The following PCDHGA3 variants were observed in gnomAD, a reference collection of about 807,000 sequenced individuals.
The protein encoded by PCDHGA3 is protocadherin gamma subfamily A, 3, also known as protocadherin gamma-A3.
In PCDHGA3, 40 loss-of-function variants were observed where a neutral mutation model predicts 58.5. The ratio of observed to expected loss-of-function variants is 0.68; its 90% confidence interval spans 0.53 to 0.89. PCDHGA3 has a LOEUF of 0.89. PCDHGA3 is among the 40% of genes least tolerant of loss of function. PCDHGA3 has a pLI of 0.00. For missense variants in PCDHGA3, 1,223 were observed against 1,195.9 expected, an observed-to-expected ratio of 1.02 and a Z score of -0.33; for synonymous variants, 530 against 525.7, an observed-to-expected ratio of 1.01 and a Z score of -0.11.
At chr5:141,391,213 C>T (rs1255778682) in intron 1 of PCDHGA3, 1 of 152,056 alleles carries the variant, frequency 6.6e-6, no homozygotes, top group African/African-American at 2.4e-5. Flanking sequence ...TACCAAGGAA[C>T]ATTATATGAG....
chr5:141,458,165 A>T lies in PCDHGA3; in HGVS notation c.2425-36642A>T, dbSNP rs10075475. On this transcript the variant is annotated intron_variant, in intron 1 of 3. Coordinates refer to ENST00000253812, the MANE Select transcript of PCDHGA3 (RefSeq NM_018916.4). Reference sequence around the variant, plus strand: ...TGAACATGCTCCAAATTTTGTTCACAGTAGTATACCTTACTTGATTATTAA... The same window carrying T: ...TGAACATGCTCCAAATTTTGTTCACTGTAGTATACCTTACTTGATTATTAA... Among the ~76,000 whole-genome samples the T allele has an allele frequency of 2.4e-3, 368 of 152,356 alleles. 2 individuals carry two copies. The highest frequency in any genetic ancestry group is 8.5e-3 in the African/African-American group (354 of 41,588).
In PCDHGA3 at chr5:141,375,141, G is replaced by A. The variant is rs745587842; in HGVS notation, c.2424+28684G>A. Reference sequence around the variant, plus strand: ...CCAGAAGTGGTTGTTACATCTGGAAGCAGAACAATTGCTGAAAGTGCACCT... The same window carrying A: ...CCAGAAGTGGTTGTTACATCTGGAAACAGAACAATTGCTGAAAGTGCACCT... On this transcript the variant is annotated intron_variant, in intron 1 of 3. Transcript: ENST00000253812. The A allele has an allele frequency of 1.9e-6, 3 of 1,613,962 alleles. No individual in the cohort carries two copies. Among genetic ancestry groups the A allele is most frequent in the Admixed American group, 1.7e-5 (1 of 60,032 alleles).
chr5:141,422,140 C>A, intron 1 of PCDHGA3: 1 of 1,586,776 alleles, frequency 6.3e-7, no homozygotes, highest in Non-Finnish European at 8.5e-7. Flanking sequence ...AGTTCAAGTA[C>A]GGGGGTCTCT....
chr5:141,383,093 G>A, intron 1 of PCDHGA3: 1 of 1,613,930 alleles, frequency 6.2e-7, no homozygotes, highest in Non-Finnish European at 8.5e-7. Flanking sequence ...CGCGGAGTCC[G>A]CATCATCTCC....
In PCDHGA3 at chr5:141,360,245, T is replaced by C. The variant is rs201518165; in HGVS notation, c.2424+13788T>C. On this transcript the variant is annotated intron_variant, in intron 1 of 3. Coordinates refer to ENST00000253812, the MANE Select transcript of PCDHGA3 (RefSeq NM_018916.4). ...CTCCCAGTCCAGATCCGCTATTCAA[T>C]TCCAGAGGAGCTGGCCAAAAACTCG... is the stretch of plus-strand genomic sequence containing the variant. 643 of 1,613,842 alleles carry C rather than the reference T, an allele frequency of 4.0e-4. 1 individual carries two copies. The highest frequency in any genetic ancestry group is 6.6e-4 in the Middle Eastern group (4 of 6,084).
chr5:141,478,604 T>C (rs1425759709), intron 1 of PCDHGA3: 2 of 1,562,580 alleles, frequency 1.3e-6, no homozygotes, highest in South Asian at 2.3e-5. Context: ...CTACATCATA[T>C]TGAGGAAGGA....
chr5:141,400,194 G>T (rs2093978875), intron 1 of PCDHGA3: 2 of 1,614,034 alleles, frequency 1.2e-6, no homozygotes, highest in Non-Finnish European at 1.7e-6. Flanking sequence ...TTTACCTAGT[G>T]GTGGCCTTGG....
intron 1 of PCDHGA3, chr5:141,410,718 TA>T: frequency 7.1e-7 from 1 of 1,402,688 alleles, no homozygotes; most frequent in Non-Finnish European, 9.6e-7. Context: ...ATCATATGTT[TA>T]AAATCCATAG....
intron 1 of PCDHGA3, chr5:141,398,508 T>C: frequency 6.2e-7 from 1 of 1,601,476 alleles, no homozygotes; most frequent in Admixed American, 1.7e-5. Context: ...AGGACATTAA[T>C]GACCACACGC....
intron 1 of PCDHGA3, chr5:141,475,966 A>T (rs1252698069): frequency 2.3e-6 from 2 of 888,664 alleles, no homozygotes; most frequent in Admixed American, 5.2e-5. Flanking sequence ...GGGATGAGGC[A>T]GAGACTGAAC....
In PCDHGA3 at chr5:141,414,961, G is replaced by A. The variant is rs1357376957; in HGVS notation, c.2424+68504G>A. Reference sequence around the variant, plus strand: ...GCCCGGCTACCTGGTGACCAAGGTGGTGGCGGTGGACAGAGACTCCGGCCA... The same window carrying A: ...GCCCGGCTACCTGGTGACCAAGGTGATGGCGGTGGACAGAGACTCCGGCCA... On this transcript the variant is annotated intron_variant, in intron 1 of 3. Transcript: ENST00000253812. 2.5e-6 allele frequency: 4 copies of A among 1,614,028 alleles called. No individual in the cohort carries two copies. In the Admixed American group the frequency reaches 6.7e-5, roughly 27 times the overall value.
intron 1 of PCDHGA3, among the ~76,000 whole-genome samples, chr5:141,481,655 T>A (rs933683728): frequency 1.3e-5 from 2 of 152,054 alleles, no homozygotes; most frequent in African/African-American, 4.8e-5. Flanking sequence ...TCATCTCTAC[T>A]AATAATACAA....
Position 141,344,645 on chromosome 5 carries a change from A to G in PCDHGA3, c.612A>G (p.Lys204=). 1 of 1,613,978 alleles carries G rather than the reference A, an allele frequency of 6.2e-7. No homozygotes were observed. The highest frequency in any genetic ancestry group is 8.5e-7 in the Non-Finnish European group (1 of 1,179,890). Residue 204 remains lysine (K), a synonymous_variant, in exon 1 of 4, where the codon AAA becomes AAG. Coordinates refer to ENST00000253812, the MANE Select transcript of PCDHGA3 (RefSeq NM_018916.4). The part of the protein sequence containing the change: ...LVLERALDRE[K]KEIHQLVLVA... ...TGGAGCGGGCCCTGGACCGTGAGAA[A>G]AAAGAAATTCACCAGCTTGTCCTGG...
Position 141,491,279 on chromosome 5 carries a change from T to G in PCDHGA3, c.2425-3528T>G. 1 of 1,614,110 alleles carries G rather than the reference T, an allele frequency of 6.2e-7. No individual in the cohort carries two copies. The highest frequency in any genetic ancestry group is 2.2e-5 in the East Asian group (1 of 44,878). ...GAGGAAATGCCCAAATCCAGTGACT[T>G]CCTCATACACCCTCCTGAGCGTTCA... On this transcript the variant is annotated intron_variant, in intron 1 of 3. Transcript: ENST00000253812. The surrounding 1 kb of genome is among the most constrained non-coding windows in gnomAD (Gnocchi z 6.9).
Position 141,491,188 on chromosome 5 carries a change from G to A in PCDHGA3, c.2425-3619G>A. On this transcript the variant is annotated intron_variant, in intron 1 of 3. Transcript: ENST00000253812. This position sits in a 1 kb window ranked among gnomAD's most constrained non-coding sequence, Gnocchi z 6.9. Reference sequence around the variant, plus strand: ...CCAGCAGGTGGTGGTCCTGGTGAGGGACAATGGTGACCCTTCACTCTCCTC... The same window carrying A: ...CCAGCAGGTGGTGGTCCTGGTGAGGAACAATGGTGACCCTTCACTCTCCTC... The A allele has an allele frequency of 6.2e-7, 1 of 1,614,198 alleles. No individual in the cohort carries two copies. The highest frequency in any genetic ancestry group is 1.1e-5 in the South Asian group (1 of 91,086).
chr5:141,383,124 C>G (rs1245604127), intron 1 of PCDHGA3: 3 of 1,613,930 alleles, frequency 1.9e-6, no homozygotes, highest in Non-Finnish European at 2.5e-6. Context: ...CGCAGCTTTT[C>G]GCCCTGAACC....
chr5:141,395,542 T>TTGTTTG lies in PCDHGA3; in HGVS notation c.2424+49088_2424+49089insTTGTGT, dbSNP rs1267535064. On this transcript the variant is annotated intron_variant, in intron 1 of 3. Coordinates refer to ENST00000253812, the MANE Select transcript of PCDHGA3 (RefSeq NM_018916.4). ...TCCATACTGGTAATTTTGCTATTGTTTGTGTGTGTGTGTGTGTGTGTGTGT... is the reference window on the plus strand; with the variant it reads ...TCCATACTGGTAATTTTGCTATTGTTTGTTTGTGTGTGTGTGTGTGTGTGTGTGTGT... 2.4e-3 allele frequency: 418 copies of TTGTTTG among 172,622 alleles called. 4 individuals carry two copies. The highest frequency in any genetic ancestry group is 0.019 in the African/African-American group (326 of 17,544). The allele number at this position is 172,622 out of a possible 1,614,324, so 10.7% of individuals were successfully genotyped here.
Position 141,420,935 on chromosome 5 carries a change from A to G in PCDHGA3, c.2425-73872A>G, listed in dbSNP as rs542779087. ...GTGATTCACAAAGGTGAGCGTAATCATTTCTTCTGGAATTTCTTAGTCGTT... is the reference window on the plus strand; with the variant it reads ...GTGATTCACAAAGGTGAGCGTAATCGTTTCTTCTGGAATTTCTTAGTCGTT... On this transcript the variant is annotated intron_variant, in intron 1 of 3. Coordinates refer to ENST00000253812, the MANE Select transcript of PCDHGA3 (RefSeq NM_018916.4). 2.6e-5 allele frequency: 10 copies of G among 380,486 alleles called. 1 individual carries two copies. Among genetic ancestry groups the G allele is most frequent in the African/African-American group, 1.7e-4 (8 of 47,720 alleles). The allele number at this position is 380,486 out of a possible 1,614,324, so 23.6% of individuals were successfully genotyped here.
rs750149844 is a variant in PCDHGA3 at position 141,344,161 on chromosome 5, C to G, written c.128C>G (p.Ser43Cys). The part of the protein sequence containing the change: ...YSVSEELDKG[S>C]FVGNIANDLG... ...GTGTCTGAGGAGCTAGATAAAGGTT[C>G]CTTCGTGGGCAACATCGCTAACGAC... Residue 43 changes from serine to cysteine, a missense_variant, in exon 1 of 4, where the codon TCC (serine) becomes TGC (cysteine). By Grantham distance (112) the Ser-to-Cys change is moderately radical. Around this residue, in one of 3 missense-constraint regions of PCDHGA3, gnomAD observed 791 missense variants for 708.5 expected, o/e 1.12. Coordinates refer to ENST00000253812, the MANE Select transcript of PCDHGA3 (RefSeq NM_018916.4). 2 of 1,614,010 alleles carry G rather than the reference C, an allele frequency of 1.2e-6. No homozygotes were observed. Among genetic ancestry groups the G allele is most frequent in the Non-Finnish European group, 1.7e-6 (2 of 1,179,906 alleles).
Sources: gnomAD v4.1 joint callset for allele counts (sites outside exome capture counted in the v4.1 genomes callset) on GRCh38, gnomAD v4.1.1 for gene constraint, gnomAD v4.1.1 regional missense constraint, Gnocchi (gnomAD v3.1) non-coding constraint, MANE v1.5 for transcripts, NCBI Gene and HGNC (gene_info 2026-07-23, HGNC 2026-07-21) for gene names.